LYPD6B: variants seen among roughly 807,000 people sequenced by gnomAD.
LYPD6B encodes LY6/PLAUR domain containing 6B, also known as ly6/PLAUR domain-containing protein 6B.
LYPD6B carries 17 observed loss-of-function variants against 22.8 expected under a neutral mutation model. The ratio of observed to expected loss-of-function variants is 0.75; its 90% confidence interval spans 0.51 to 1.12. The LOEUF (loss-of-function observed/expected upper bound fraction) is 1.12. LYPD6B is among the 50% of genes most tolerant of loss of function. The probability of loss-of-function intolerance (pLI) is 0.00; values close to 1 mark genes in which losing one functional copy is unlikely to be tolerated. For synonymous variants in LYPD6B, 106 were observed against 91.6 expected (o/e 1.16, Z -0.90); for missense variants, 221 against 258.3 (o/e 0.86, Z 0.99).
intron 1 of LYPD6B, among the ~76,000 whole-genome samples, chr2:149,117,271 CTT>C (rs113049914): frequency 1.4e-5 from 2 of 143,832 alleles, no homozygotes; most frequent in African/African-American, 2.6e-5. Context: ...TGTCATTCAT[CTT>C]TTTTTTTTTT....
intron 1 of LYPD6B, among the ~76,000 whole-genome samples, chr2:149,045,189 T>A (rs1171050612): frequency 2.6e-5 from 4 of 151,260 alleles, no homozygotes; most frequent in African/African-American, 9.8e-5. Flanking sequence ...TTCACCTAAG[T>A]TGTCAAATTC....
At chr2:149,137,310 T>C (rs1411403681) in intron 2 of LYPD6B, among the ~76,000 whole-genome samples, 2 of 152,204 alleles carry the variant, frequency 1.3e-5, no homozygotes, top group Non-Finnish European at 2.9e-5. Context: ...ATTTTATTTT[T>C]AAGATACTCC....
chr2:149,112,706 G>A (rs1686818041), intron 1 of LYPD6B, among the ~76,000 whole-genome samples: 1 of 152,070 alleles, frequency 6.6e-6, no homozygotes, highest in Admixed American at 6.6e-5. Flanking sequence ...AGGTTCTTGG[G>A]TCATTATATT....
At chr2:149,054,687 G>T (rs1683708601) in intron 1 of LYPD6B, among the ~76,000 whole-genome samples, 1 of 152,034 alleles carries the variant, frequency 6.6e-6, no homozygotes, top group Non-Finnish European at 1.5e-5. Flanking sequence ...ACCAGCTTGG[G>T]CAATGCAGCA....
chr2:149,077,516 A>G (rs1431308051), intron 1 of LYPD6B: 2 of 152,196 alleles, frequency 1.3e-5, no homozygotes, highest in South Asian at 2.1e-4. Flanking sequence ...TGTAATTTCC[A>G]CAGGACTCTG....
At chr2:149,049,436 T>C (rs980398352) in intron 1 of LYPD6B, among the ~76,000 whole-genome samples, 1 of 152,246 alleles carries the variant, frequency 6.6e-6, no homozygotes, top group Non-Finnish European at 1.5e-5. Context: ...CTTGTACCTC[T>C]AAATCAATTA....
At chr2:149,203,818 G>A (rs1693327000) in intron 3 of LYPD6B, among the ~76,000 whole-genome samples, 2 of 152,198 alleles carry the variant, frequency 1.3e-5, no homozygotes, top group South Asian at 2.1e-4. Flanking sequence ...ATAGGATGTT[G>A]TGGCTATGTA....
chr2:149,058,885 G>T (rs1302771259), intron 1 of LYPD6B, among the ~76,000 whole-genome samples: 1 of 152,242 alleles, frequency 6.6e-6, no homozygotes, highest in African/African-American at 2.4e-5. Flanking sequence ...CTCCCAAAGT[G>T]CTGGGATTAC....
chr2:149,049,561 C>T (rs908380192), intron 1 of LYPD6B, among the ~76,000 whole-genome samples: 2 of 152,176 alleles, frequency 1.3e-5, no homozygotes, highest in Non-Finnish European at 2.9e-5. Context: ...TCAGAGTGCT[C>T]TTGTGTCTGG....
rs376977030 is a variant in LYPD6B at position 149,170,372 on chromosome 2, G to T, written c.77+9537G>T. ...GATGAGGACTATTGAAAGGCAGCTG[G>T]AGTCATTTCCATTTTACAAATACCA... On this transcript the variant is annotated intron_variant, in intron 3 of 6. Coordinates refer to ENST00000409642, the MANE Select transcript of LYPD6B (RefSeq NM_177964.5). Among the ~76,000 whole-genome samples, 56 of 152,252 alleles carry T rather than the reference G, an allele frequency of 3.7e-4. No homozygotes were observed. In the South Asian group the frequency reaches 3.9e-3, roughly 11 times the overall value.
At chr2:149,167,978 G>A (rs1690544408) in intron 3 of LYPD6B, among the ~76,000 whole-genome samples, 1 of 151,872 alleles carries the variant, frequency 6.6e-6, no homozygotes, top group Non-Finnish European at 1.5e-5. Context: ...GGAAGGCCTT[G>A]GCAAGTGGAT....
chr2:149,047,382 T>TA (rs974407855), intron 1 of LYPD6B, among the ~76,000 whole-genome samples: 5 of 150,884 alleles, frequency 3.3e-5, no homozygotes, highest in Non-Finnish European at 5.9e-5. Flanking sequence ...GTTGACAATT[T>TA]AAAAAAAAAA....
At chr2:149,143,188 A>G (rs937351465) in intron 2 of LYPD6B, among the ~76,000 whole-genome samples, 18 of 152,236 alleles carry the variant, frequency 1.2e-4, no homozygotes, top group African/African-American at 4.3e-4. Flanking sequence ...TTTCAAAAAT[A>G]TGCATAAATC....
chr2:149,203,384 A>T (rs72860910), intron 3 of LYPD6B, among the ~76,000 whole-genome samples: 1 of 152,106 alleles, frequency 6.6e-6, no homozygotes, highest in South Asian at 2.1e-4. Flanking sequence ...AGTCTCCCCC[A>T]CACAAAGGGT....
At chr2:149,117,864 A>T (rs112744543) in intron 1 of LYPD6B, among the ~76,000 whole-genome samples, 2 of 152,242 alleles carry the variant, frequency 1.3e-5, no homozygotes, top group Admixed American at 6.5e-5. Context: ...GAATTCAGGA[A>T]TTCAGAAGTG....
At chr2:149,198,033 C>CTT (rs11360700) in intron 3 of LYPD6B, among the ~76,000 whole-genome samples, 3 of 144,872 alleles carry the variant, frequency 2.1e-5, no homozygotes. Context: ...CTAAGCTTTT[C>CTT]TTTTTTTTTT....
At chr2:149,092,416 G>T (rs1245123441) in intron 1 of LYPD6B, among the ~76,000 whole-genome samples, 2 of 152,136 alleles carry the variant, frequency 1.3e-5, no homozygotes, top group African/African-American at 4.8e-5. Flanking sequence ...AAGTGACTAG[G>T]CGATCTTTAT....
chr2:149,132,757 A>T (rs1575031747), intron 2 of LYPD6B, among the ~76,000 whole-genome samples: 1 of 152,186 alleles, frequency 6.6e-6, no homozygotes, highest in East Asian at 1.9e-4. Context: ...GCTCTGCTTC[A>T]TTGCTGCTTG....
intron 1 of LYPD6B, among the ~76,000 whole-genome samples, chr2:149,045,005 T>C (rs1302502595): frequency 6.6e-6 from 1 of 152,082 alleles, no homozygotes; most frequent in Non-Finnish European, 1.5e-5. Flanking sequence ...TGGTATTATT[T>C]ATTCCTTCAG....
Sources: gnomAD v4.1 joint callset for allele counts (sites outside exome capture counted in the v4.1 genomes callset) on GRCh38, gnomAD v4.1.1 for gene constraint, MANE v1.5 for transcripts, NCBI Gene and HGNC (gene_info 2026-07-23, HGNC 2026-07-21) for gene names.